The following TULP4 variants were observed in gnomAD, a reference collection of about 807,000 sequenced individuals.
TULP4 encodes tubby-related protein 4.
A neutral mutation model predicts 129.0 loss-of-function variants in TULP4; 16 were observed. The observed-to-expected ratio is 0.12, with a 90% confidence interval of 0.08 to 0.19. The LOEUF (loss-of-function observed/expected upper bound fraction) is 0.19, where lower values mean the gene tolerates loss of function less well. Among genes scored for constraint, TULP4 ranks in the 10% least tolerant of loss-of-function variants. The pLI is 1.00. For synonymous variants in TULP4, 998 were observed against 854.0 expected (o/e 1.17, Z -2.94); for missense variants, 1,842 against 2,059.1 (o/e 0.89, Z 2.04).
chr6:158,462,378 T>C (rs1779448240), intron 6 of TULP4, among the ~76,000 whole-genome samples: 2 of 138,026 alleles, frequency 1.4e-5, no homozygotes, highest in Non-Finnish European at 3.0e-5. Flanking sequence ...CTTTTCTTTT[T>C]TTCTTTCTTT....
intron 2 of TULP4, among the ~76,000 whole-genome samples, chr6:158,422,027 A>T (rs924099071): frequency 2.0e-5 from 3 of 152,198 alleles, no homozygotes; most frequent in African/African-American, 2.4e-5. Flanking sequence ...TATTAGCAAT[A>T]AAACTGTGAT....
At chr6:158,300,470 G>T (rs1779113247) in intron 1 of TULP4, among the ~76,000 whole-genome samples, 1 of 152,176 alleles carries the variant, frequency 6.6e-6, no homozygotes, top group South Asian at 2.1e-4. Context: ...TTTTTAAAGT[G>T]CAATTGGCCT....
chr6:158,296,634 A>G (rs112379418), intron 1 of TULP4, among the ~76,000 whole-genome samples: 1 of 152,040 alleles, frequency 6.6e-6, no homozygotes, highest in African/African-American at 2.4e-5. Flanking sequence ...CCCACCCCCA[A>G]TATTTCAACG....
At chr6:158,240,407 C>T (rs1390197370) in intron 1 of TULP4, among the ~76,000 whole-genome samples, 1 of 73,102 alleles carries the variant, frequency 1.4e-5, no homozygotes, top group African/African-American at 4.6e-5. Context: ...CCTCACTTCC[C>T]AGTAGGGGCG....
chr6:158,426,745 GGT>G (rs1192917331), intron 2 of TULP4, among the ~76,000 whole-genome samples: 1 of 151,980 alleles, frequency 6.6e-6, no homozygotes, highest in Admixed American at 6.6e-5. Context: ...GTTTTTTTCT[GGT>G]TCTATGAAGA....
Position 158,498,449 on chromosome 6 carries a change from G to A in TULP4, c.1871-220G>A, listed in dbSNP as rs142914146. On this transcript the variant is annotated intron_variant, in intron 11 of 13. Coordinates refer to ENST00000367097, the MANE Select transcript of TULP4 (RefSeq NM_020245.5). ...ATTGGCAAGGAGGCCAAGCTAGACC[G>A]GGAATCTGCTGTTACTGAATCCAGA... 1.7e-4 allele frequency among the ~76,000 whole-genome samples: 26 copies of A among 152,362 alleles called. No homozygotes were observed. The East Asian group carries it at 4.4e-3, about 26-fold the overall frequency.
chr6:158,362,185 A>G (rs564883548), intron 1 of TULP4, among the ~76,000 whole-genome samples: 2 of 152,294 alleles, frequency 1.3e-5, no homozygotes, highest in African/African-American at 2.4e-5. Flanking sequence ...GGTTATTTGT[A>G]CTGACTCTGA....
upstream of TULP4, among the ~76,000 whole-genome samples, chr6:158,281,271 T>G (rs997444355): frequency 6.6e-6 from 1 of 151,552 alleles, no homozygotes; most frequent in African/African-American, 2.4e-5. Flanking sequence ...TGGAGTGCAG[T>G]GGCACGATCT....
chr6:158,340,990 T>C (rs1780167932), intron 1 of TULP4, among the ~76,000 whole-genome samples: 1 of 152,198 alleles, frequency 6.6e-6, no homozygotes, highest in South Asian at 2.1e-4. Flanking sequence ...TGCAGAGCCA[T>C]GGATTTTCCT....
intron 1 of TULP4, among the ~76,000 whole-genome samples, chr6:158,359,465 C>CT (rs1780718125): frequency 6.6e-6 from 1 of 152,184 alleles, no homozygotes; most frequent in Non-Finnish European, 1.5e-5. Flanking sequence ...GGAAGCCAGT[C>CT]TGAGTCCCAA....
intron 1 of TULP4, among the ~76,000 whole-genome samples, chr6:158,371,119 T>G (rs1028982487): frequency 1.3e-5 from 2 of 152,212 alleles, no homozygotes; most frequent in African/African-American, 4.8e-5. Context: ...GATCATGACC[T>G]TCTCAGAACA....
intron 1 of TULP4, chr6:158,242,191 T>C: frequency 1.5e-6 from 2 of 1,320,232 alleles, no homozygotes; most frequent in Non-Finnish European, 2.2e-6. Flanking sequence ...ATCAGTGTCT[T>C]CTGATAATGA....
chr6:158,300,580 CA>C (rs1157644924), intron 1 of TULP4, among the ~76,000 whole-genome samples: 2 of 152,172 alleles, frequency 1.3e-5, no homozygotes, highest in Admixed American at 1.3e-4. Context: ...CTAACATATC[CA>C]GGGGCATTGT....
intron 1 of TULP4, among the ~76,000 whole-genome samples, chr6:158,359,741 T>C (rs1042627333): frequency 3.3e-5 from 5 of 152,146 alleles, no homozygotes; most frequent in African/African-American, 1.2e-4. Flanking sequence ...TTCAGTCCAA[T>C]CAAGTTGACA....
At chr6:158,492,051 G>C (rs375424687) in intron 9 of TULP4, among the ~76,000 whole-genome samples, 6 of 151,768 alleles carry the variant, frequency 4.0e-5, no homozygotes, top group African/African-American at 1.2e-4. Flanking sequence ...GTAGAGATGG[G>C]GTTTCACCAT....
rs1779936269 is a variant in TULP4 at position 158,481,210 on chromosome 6, G to A, written c.1407G>A (p.Val469=). The change falls in exon 8 of 14, where the codon GTG becomes GTA. Residue 469 remains valine (V), a synonymous_variant. Transcript: ENST00000367097. ...ACCTGGAGTACCTGGGCGGGCTTGT[G>A]CCCATCCTCAAAGGGCGGCGCATCA... is the stretch of plus-strand genomic sequence containing the variant. The part of the protein sequence containing the change: ...TLYLEYLGGL[V]PILKGRRISK... 1 of 1,614,128 alleles carries A rather than the reference G, an allele frequency of 6.2e-7. No individual in the cohort carries two copies. The highest frequency in any genetic ancestry group is 1.1e-5 in the South Asian group (1 of 91,094).
At chr6:158,234,022 AT>A (rs1386552830) in intron 1 of TULP4, among the ~76,000 whole-genome samples, 1 of 152,218 alleles carries the variant, frequency 6.6e-6, no homozygotes, top group African/African-American at 2.4e-5. Flanking sequence ...TTTCAACACA[AT>A]GGAACTTTCA....
intron 2 of TULP4, among the ~76,000 whole-genome samples, chr6:158,421,613 T>C (rs1351525251): frequency 1.3e-5 from 2 of 152,144 alleles, no homozygotes; most frequent in African/African-American, 4.8e-5. Context: ...CCTATTCAGA[T>C]TTTAGGTAGT....
intron 1 of TULP4, among the ~76,000 whole-genome samples, chr6:158,340,374 C>T (rs1780152742): frequency 6.6e-6 from 1 of 152,064 alleles, no homozygotes; most frequent in African/African-American, 2.4e-5. Flanking sequence ...TATGTTTGTT[C>T]CTGAGTGTGC....
Sources: allele counts gnomAD v4.1 joint callset (sites outside exome capture counted in the v4.1 genomes callset), GRCh38; gene constraint gnomAD v4.1.1; transcripts MANE v1.5; gene names NCBI Gene and HGNC (gene_info 2026-07-23, HGNC 2026-07-21).